Variants in DGLUCY observed in about 807,000 individuals in gnomAD.
DGLUCY encodes D-glutamate cyclase.
Under a neutral mutation model 58.5 loss-of-function variants are expected in DGLUCY, and 58 were observed. The observed-to-expected ratio is 0.99, with a 90% CI of 0.80 to 1.23. The LOEUF (loss-of-function observed/expected upper bound fraction) is 1.23, where lower values mean the gene tolerates loss of function less well. Ranked by LOEUF, DGLUCY falls within the 50% of genes most tolerant of loss-of-function variation. The pLI is 0.00. For missense variants in DGLUCY, 779 were observed against 784.7 expected, an observed-to-expected ratio of 0.99 and a Z score of 0.09; for synonymous variants, 325 against 314.1, an observed-to-expected ratio of 1.03 and a Z score of -0.37.
intron 1 of DGLUCY, among the ~76,000 whole-genome samples, chr14:91,141,538 T>C (rs1566962423): frequency 6.7e-6 from 1 of 149,974 alleles, no homozygotes; most frequent in Non-Finnish European, 1.5e-5. Flanking sequence ...ATACAATGGA[T>C]ACTCAGAGAG....
intron 13 of DGLUCY, among the ~76,000 whole-genome samples, chr14:91,223,093 T>G (rs925042070): frequency 2.6e-5 from 4 of 152,192 alleles, no homozygotes; most frequent in African/African-American, 4.8e-5. Context: ...ACATACAAAA[T>G]TTGAGGGTAC....
intron 1 of DGLUCY, chr14:91,147,854 T>C (rs2047093741): frequency 6.6e-6 from 1 of 152,208 alleles, no homozygotes; most frequent in African/African-American, 2.4e-5. Flanking sequence ...ACCAACCAAC[T>C]GAAGGTAATT....
At chr14:91,185,464 T>C (rs1010443323) in intron 8 of DGLUCY, 1 of 151,190 alleles carries the variant, frequency 6.6e-6, no homozygotes, top group Non-Finnish European at 1.5e-5. Context: ...TAATTTTTTT[T>C]TGTAGAGATG....
upstream of DGLUCY, among the ~76,000 whole-genome samples, chr14:91,103,880 C>T (rs2044536440): frequency 6.6e-6 from 1 of 151,620 alleles, no homozygotes; most frequent in African/African-American, 2.4e-5. Context: ...CCCTTGTCCC[C>T]GCCCCCACCT....
chr14:91,062,499 G>GATC (rs2043718839), intron 1 of DGLUCY, among the ~76,000 whole-genome samples: 1 of 133,748 alleles, frequency 7.5e-6, no homozygotes, highest in Non-Finnish European at 1.6e-5. Flanking sequence ...AGTAAGCCGA[G>GATC]ATCACACCAT....
chr14:91,203,625 C>T (rs1595910381), intron 11 of DGLUCY, among the ~76,000 whole-genome samples: 1 of 152,070 alleles, frequency 6.6e-6, no homozygotes, highest in East Asian at 1.9e-4. Context: ...CCCAGATCTA[C>T]AGCACCACCT....
Position 91,151,106 on chromosome 14 carries a change from G to A in DGLUCY, c.-81-6533G>A, listed in dbSNP as rs76140221. ...TCTGACTTATTTCAGTTTGCATAACGTGCTCAGGGTTCACCCATGTTGTAG... is the reference window on the plus strand; with the variant it reads ...TCTGACTTATTTCAGTTTGCATAACATGCTCAGGGTTCACCCATGTTGTAG... On this transcript the variant is annotated intron_variant, in intron 1 of 13. Coordinates refer to ENST00000256324, the MANE Select transcript of DGLUCY (RefSeq NM_001102368.3). Among the ~76,000 whole-genome samples, 163 of 152,286 alleles carry A rather than the reference G, an allele frequency of 1.1e-3. 4 individuals carry two copies. In the East Asian group the frequency reaches 0.028, roughly 26 times the overall value.
chr14:91,223,471 A>T (rs1448257117), intron 13 of DGLUCY, among the ~76,000 whole-genome samples: 2 of 152,122 alleles, frequency 1.3e-5, no homozygotes, highest in African/African-American at 4.8e-5. Context: ...GAGAAGGAAG[A>T]GGAGGAGGAG....
At chr14:91,080,322 C>T (rs550843454) in intron 1 of DGLUCY, among the ~76,000 whole-genome samples, 2 of 152,280 alleles carry the variant, frequency 1.3e-5, no homozygotes, top group African/African-American at 4.8e-5. Flanking sequence ...GTAGGACTGC[C>T]GAATCATACA....
intron 1 of DGLUCY, among the ~76,000 whole-genome samples, chr14:91,147,199 C>T (rs1163069252): frequency 6.6e-6 from 1 of 152,188 alleles, no homozygotes; most frequent in Non-Finnish European, 1.5e-5. Flanking sequence ...TTCCTGTCTC[C>T]ATAGTTAGGA....
chr14:91,072,416 T>C (rs1475741291), intron 1 of DGLUCY, among the ~76,000 whole-genome samples: 1 of 152,134 alleles, frequency 6.6e-6, no homozygotes, highest in Non-Finnish European at 1.5e-5. Flanking sequence ...TTTTCTTATC[T>C]TTAAGGGGAT....
chr14:91,147,357 G>A (rs573312065), intron 1 of DGLUCY, among the ~76,000 whole-genome samples: 1 of 152,292 alleles, frequency 6.6e-6, no homozygotes, highest in Non-Finnish European at 1.5e-5. Flanking sequence ...AACCCAGAAA[G>A]CCGAGCAAGG....
chr14:91,122,610 T>TTTTG lies in DGLUCY; in HGVS notation c.-82+8330_-82+8331insGTTT, dbSNP rs2045445601. ...TATAATAAAAGAAAAAAGTTTTTTT[T>TTTTG]TTTTTTTTTTGAGATAGAGTCTCAC... On this transcript the variant is annotated intron_variant, in intron 1 of 13. Coordinates refer to ENST00000256324, the MANE Select transcript of DGLUCY (RefSeq NM_001102368.3). 5.2e-5 allele frequency among the ~76,000 whole-genome samples: 7 copies of TTTTG among 133,868 alleles called. 1 individual carries two copies. The highest frequency in any genetic ancestry group is 3.7e-4 in the Admixed American group (5 of 13,356). 87.8% of individuals were successfully genotyped at this position (133,868 alleles called of 152,430 possible).
chr14:91,149,267 GAAAA>G (rs1317005091), intron 1 of DGLUCY, among the ~76,000 whole-genome samples: 1 of 151,328 alleles, frequency 6.6e-6, no homozygotes, highest in Non-Finnish European at 1.5e-5. Flanking sequence ...AAAAAGAAAA[GAAAA>G]GAAAAGAAAG....
chr14:91,111,361 A>G (rs2044698972), upstream of DGLUCY, among the ~76,000 whole-genome samples: 1 of 151,438 alleles, frequency 6.6e-6, no homozygotes, highest in Non-Finnish European at 1.5e-5. Context: ...GCTCACTGCA[A>G]CCTCTCTGCC....
chr14:91,195,961 G>A (rs538540633), intron 9 of DGLUCY, among the ~76,000 whole-genome samples: 9 of 152,154 alleles, frequency 5.9e-5, no homozygotes, highest in Non-Finnish European at 1.0e-4. Flanking sequence ...TGAGGCACCC[G>A]TGCCCAGCCC....
chr14:91,208,938 G>T (rs1172967963), intron 12 of DGLUCY, among the ~76,000 whole-genome samples: 1 of 152,106 alleles, frequency 6.6e-6, no homozygotes, highest in Non-Finnish European at 1.5e-5. Flanking sequence ...TTTAAAAGTA[G>T]AATTTACATG....
chr14:91,216,964 C>A (rs541978112), intron 13 of DGLUCY, among the ~76,000 whole-genome samples: 2 of 152,190 alleles, frequency 1.3e-5, no homozygotes, highest in African/African-American at 4.8e-5. Context: ...GCGGGACTGG[C>A]CCTTCCTTCC....
chr14:91,101,625 A>G lies in DGLUCY; in HGVS notation c.-82+40921A>G, dbSNP rs1331218833. ...GCCACACAAATCATAAAATTGGCTT[A>G]TGGACGCATTCTTGAGTTGAGTCAA... On this transcript the variant is annotated intron_variant, in intron 1 of 4. Coordinates refer to the DGLUCY transcript ENST00000521334. Among the ~76,000 whole-genome samples, 4 of 152,342 alleles carry G rather than the reference A, an allele frequency of 2.6e-5. No individual in the cohort carries two copies. In the East Asian group the frequency reaches 7.7e-4, roughly 29 times the overall value.
Sources: allele counts gnomAD v4.1 joint callset (sites outside exome capture counted in the v4.1 genomes callset), GRCh38; gene constraint gnomAD v4.1.1; transcripts MANE v1.5; gene names NCBI Gene and HGNC (gene_info 2026-07-23, HGNC 2026-07-21).